Variants in PPP6R1 observed in about 807,000 individuals in gnomAD.
The protein encoded by PPP6R1 is protein phosphatase 6 regulatory subunit 1, also known as serine/threonine-protein phosphatase 6 regulatory subunit 1.
PPP6R1 carries 39 observed loss-of-function variants against 104.6 expected under a neutral mutation model. The ratio of observed to expected loss-of-function variants is 0.37; its 90% CI spans 0.29 to 0.49. The LOEUF is 0.49. Ranked by LOEUF, PPP6R1 falls within the 20% of genes least tolerant of loss-of-function variation. The pLI is 0.98. For synonymous variants in PPP6R1, 549 were observed against 479.0 expected (o/e 1.15, Z -1.91); for missense variants, 1,181 against 1,155.8 (o/e 1.02, Z -0.32).
chr19:55,235,332 C>A (rs1468868539), intron 17 of PPP6R1, among the ~76,000 whole-genome samples: 3 of 151,972 alleles, frequency 2.0e-5, no homozygotes, highest in Non-Finnish European at 4.4e-5. Context: ...GACCATCTTA[C>A]CCCCCTTTCT....
At chr19:55,242,129 TG>T in intron 7 of PPP6R1, 36 bp downstream of exon 7, 1 of 1,573,408 alleles carries the variant, frequency 6.4e-7, no homozygotes. Context: ...CCCCTGGGGA[TG>T]GGCAGCATGC....
Position 55,247,100 on chromosome 19 carries a change from A to C in PPP6R1, c.4T>G (p.Phe2Val). The C allele has an allele frequency of 6.2e-7, 1 of 1,612,524 alleles. No homozygotes were observed. The highest frequency in any genetic ancestry group is 8.5e-7 in the Non-Finnish European group (1 of 1,179,444). Residue 2 changes from phenylalanine (F) to valine (V), a missense_variant, in exon 2 of 24, where the codon TTT becomes GTT. Phe to Val is a conservative substitution (Grantham distance 50). Coordinates refer to ENST00000412770, the MANE Select transcript of PPP6R1 (RefSeq NM_014931.4). ...CTTGTGTGCAGGTCAAACTTCCAAAACATGGCGCCCTGCAGGCATAGACAC... is the reference window on the plus strand; with the variant it reads ...CTTGTGTGCAGGTCAAACTTCCAAACCATGGCGCCCTGCAGGCATAGACAC... Reference protein sequence around the residue: MFWKFDLHTSSH... With the variant: MVWKFDLHTSSH...
intron 21 of PPP6R1, 84 bp from the exon 22 acceptor site, chr19:55,230,968 G>A (rs770909513): frequency 1.2e-5 from 14 of 1,190,988 alleles, no homozygotes; most frequent in South Asian, 6.5e-5. Context: ...GACTGAAGTC[G>A]GCTCACTGGG....
chr19:55,257,005 G>A (rs1162495091), intron 1 of PPP6R1, among the ~76,000 whole-genome samples: 1 of 151,290 alleles, frequency 6.6e-6, no homozygotes, highest in Non-Finnish European at 1.5e-5. Context: ...ACTCGGCCTA[G>A]GTCTGTCTGG....
chr19:55,250,884 C>G (rs569060944), intron 1 of PPP6R1, among the ~76,000 whole-genome samples: 42 of 152,274 alleles, frequency 2.8e-4, no homozygotes, highest in Middle Eastern at 6.8e-3. Context: ...CACAGCCATG[C>G]AGAGCTTGCT....
Position 55,232,142 on chromosome 19 carries a change from G to T in PPP6R1, c.2058C>A (p.Gly686=). 3.8e-6 allele frequency: 6 copies of T among 1,588,684 alleles called. No homozygotes were observed. The highest frequency in any genetic ancestry group is 5.1e-6 in the Non-Finnish European group (6 of 1,167,446). Residue 686 remains glycine, a synonymous_variant, in exon 18 of 24, where the codon GGC becomes GGA. Transcript: ENST00000412770. ...EDEEEEEDEE[G]IGCAARGGAT... ...CCCCTCCACGGGCTGCACAGCCAAT[G>T]CCCTCCTCGTCTTCCTCCTCCTCCT...
Position 55,241,737 on chromosome 19 carries a change from A to C in PPP6R1, c.846-98T>G, listed in dbSNP as rs1403205723. The C allele has an allele frequency of 7.3e-7, 1 of 1,374,428 alleles. No individual in the cohort carries two copies. Among genetic ancestry groups the C allele is most frequent in the Non-Finnish European group, 9.7e-7 (1 of 1,030,872 alleles). 85.1% of individuals were successfully genotyped at this position (1,374,428 alleles called of 1,614,324 possible). On this transcript the variant is annotated intron_variant, in intron 7 of 23. Coordinates refer to ENST00000412770, the MANE Select transcript of PPP6R1 (RefSeq NM_014931.4). The surrounding 1 kb of genome is among the most constrained non-coding windows in gnomAD (Gnocchi z 5.4). The stretch of plus-strand genomic sequence containing the variant: ...ACCACGTCTGCAGGGTCTGGAGGAA[A>C]ACGAGGAGCCACATGCCCCCAGCGC...
rs2087345423 is a variant in PPP6R1 at position 55,231,459 on chromosome 19, G to A, written c.2410C>T (p.Leu804Phe). The change falls in exon 21 of 24, where the codon CTT (leucine) becomes TTT (phenylalanine). Residue 804 changes from leucine (L) to phenylalanine (F), a missense_variant. This residue lies in a region of PPP6R1 where 1,042 missense variants were observed against 955.6 expected (regional missense o/e 1.09). Transcript: ENST00000412770. ...CGGATCCCGTGGAAGGTGGCCTGAAGGTCCCCGATGCTAACCAAGGCCTGG... is the reference window on the plus strand; with the variant it reads ...CGGATCCCGTGGAAGGTGGCCTGAAAGTCCCCGATGCTAACCAAGGCCTGG... ...PCQALVSIGD[L>F]QATFHGIRSA... The A allele has an allele frequency of 6.2e-7, 1 of 1,608,508 alleles. No homozygotes were observed. Among genetic ancestry groups the A allele is most frequent in the Non-Finnish European group, 8.5e-7 (1 of 1,177,914 alleles).
chr19:55,239,026 A>T (rs1374372428), intron 15 of PPP6R1: 2 of 221,460 alleles, frequency 9.0e-6, no homozygotes, highest in Non-Finnish European at 1.8e-5. Flanking sequence ...ATGGAGGTGC[A>T]GCTCTGCCCC....
At chr19:55,243,588 C>T (rs1433902742) in intron 5 of PPP6R1, among the ~76,000 whole-genome samples, 1 of 151,806 alleles carries the variant, frequency 6.6e-6, no homozygotes, top group East Asian at 1.9e-4. Context: ...TTGCTTGAGC[C>T]CAGGGGGGTC....
chr19:55,239,523 G>C (rs1481387858), intron 14 of PPP6R1, 21 bp from the exon 15 acceptor site: 2 of 1,612,860 alleles, frequency 1.2e-6, no homozygotes, highest in Non-Finnish European at 1.7e-6. Context: ...GCGGAGGTTA[G>C]GGCTGGAGGG....
chr19:55,247,250 G>C, intron 1 of PPP6R1, 141 bp from the exon 2 acceptor site: 1 of 879,680 alleles, frequency 1.1e-6, no homozygotes, highest in Non-Finnish European at 1.8e-6. Flanking sequence ...TGCTGAGCCC[G>C]GCCCCGCCCC....
intron 1 of PPP6R1, among the ~76,000 whole-genome samples, chr19:55,257,846 C>CA (rs1665552308): frequency 6.6e-6 from 1 of 152,268 alleles, no homozygotes; most frequent in African/African-American, 2.4e-5. Context: ...TGCCTGCCCT[C>CA]AGCAGGCTTC....
intron 1 of PPP6R1, among the ~76,000 whole-genome samples, chr19:55,253,608 AAT>A (rs1243045409): frequency 6.6e-6 from 1 of 152,250 alleles, no homozygotes; most frequent in Non-Finnish European, 1.5e-5. Flanking sequence ...TGAAAATCAG[AAT>A]AGACTGAAAG....
chr19:55,251,946 A>G (rs1600117388), intron 1 of PPP6R1, among the ~76,000 whole-genome samples: 1 of 151,780 alleles, frequency 6.6e-6, no homozygotes, highest in African/African-American at 2.4e-5. Flanking sequence ...ACACACACAC[A>G]GCCTCTTTCT....
chr19:55,245,071 T>C lies in PPP6R1; in HGVS notation c.618+49A>G, dbSNP rs1468440271. 2 of 1,600,212 alleles carry C rather than the reference T, an allele frequency of 1.2e-6. No individual in the cohort carries two copies. Among genetic ancestry groups the C allele is most frequent in the Admixed American group, 1.7e-5 (1 of 58,236 alleles). ...TCTTTTAAAAGTGGGGAAGTGGGCA[T>C]GGGGAAGGAACTCTAAGGGGAATCC... On this transcript the variant is annotated intron_variant, in intron 5 of 23. Coordinates refer to ENST00000412770, the MANE Select transcript of PPP6R1 (RefSeq NM_014931.4). This position sits in a 1 kb window ranked among gnomAD's most constrained non-coding sequence, Gnocchi z 6.4.
downstream of PPP6R1, chr19:55,228,534 C>T: frequency 6.4e-7 from 1 of 1,553,444 alleles, no homozygotes; most frequent in Middle Eastern, 1.9e-4. Flanking sequence ...ACCTGGGACC[C>T]CAGCTGTACA....
chr19:55,231,820 CG>C lies in PPP6R1; in HGVS notation c.2287del (p.Arg763ValfsTer155). The C allele has an allele frequency of 6.7e-7, 1 of 1,501,270 alleles. No homozygotes were observed. The highest frequency in any genetic ancestry group is 8.9e-7 in the Non-Finnish European group (1 of 1,126,368). The allele number at this position is 1,501,270 out of a possible 1,614,324, so 93.0% of individuals were successfully genotyped here. A position where few individuals can be genotyped will look rare whatever the true frequency, so the allele number is the denominator to read the frequency against. On this transcript the variant is annotated frameshift_variant, in exon 19 of 24. Transcript: ENST00000412770. LOFTEE classifies it high-confidence loss of function. Reference sequence around the variant, plus strand: ...TTCTCACCTGAGCTGCAGGGCGTCACGGGCAGGAGGGCTGGCCAGGCTCTGA... The same window carrying C: ...TTCTCACCTGAGCTGCAGGGCGTCACGGCAGGAGGGCTGGCCAGGCTCTGA... Reference protein sequence around the residue: ...PTQSLASPPARDALQLRSQDP... With the variant: ...PTQSLASPPAXDALQLRSQDP...
chr19:55,255,592 T>TG (rs1400588239), intron 1 of PPP6R1: 2 of 152,370 alleles, frequency 1.3e-5, no homozygotes, highest in Non-Finnish European at 2.9e-5. Flanking sequence ...GAAAGGCAGG[T>TG]GAGCCCCATC....
Sources: allele counts gnomAD v4.1 joint callset (sites outside exome capture counted in the v4.1 genomes callset), GRCh38; gene constraint gnomAD v4.1.1; regional missense constraint gnomAD v4.1.1; non-coding constraint Gnocchi (gnomAD v3.1); transcripts MANE v1.5; gene names NCBI Gene and HGNC (gene_info 2026-07-23, HGNC 2026-07-21).